Variants in ARHGEF26 observed in about 807,000 individuals in gnomAD.
ARHGEF26 encodes the protein Rho guanine nucleotide exchange factor 26.
In ARHGEF26, 59 loss-of-function variants were observed where a neutral mutation model predicts 89.4. The observed-to-expected ratio is 0.66, with a 90% CI of 0.54 to 0.82. The LOEUF (loss-of-function observed/expected upper bound fraction) is 0.82, where lower values mean the gene tolerates loss of function less well. ARHGEF26 is among the 40% of genes least tolerant of loss of function. The pLI, the probability that ARHGEF26 is intolerant of heterozygous loss-of-function variation, is 0.00. For synonymous variants in ARHGEF26, 500 were observed against 428.4 expected, an observed-to-expected ratio of 1.17 and a Z score of -2.06; for missense variants, 1,234 against 1,085.6, an observed-to-expected ratio of 1.14 and a Z score of -1.92.
intron 6 of ARHGEF26, among the ~76,000 whole-genome samples, chr3:154,166,363 A>G (rs922353484): frequency 6.6e-6 from 1 of 152,122 alleles, no homozygotes; most frequent in African/African-American, 2.4e-5. Context: ...ATTTATTTTT[A>G]ATGTGGGAAA....
chr3:154,163,941 T>TA (rs925837680), intron 6 of ARHGEF26, among the ~76,000 whole-genome samples: 4 of 152,034 alleles, frequency 2.6e-5, no homozygotes, highest in Non-Finnish European at 5.9e-5. Flanking sequence ...TTCCTCAGAT[T>TA]AAAAAAATAC....
intron 12 of ARHGEF26, among the ~76,000 whole-genome samples, chr3:154,250,333 C>A (rs529165474): frequency 6.6e-6 from 1 of 152,078 alleles, no homozygotes; most frequent in South Asian, 2.1e-4. Flanking sequence ...GGCCTCTTGG[C>A]AGACTCTTGA....
rs773079785 is a variant in ARHGEF26 at position 154,129,626 on chromosome 3, T to C, written c.1176T>C (p.Ser392=). ...AGGAAAAGGCCCTTGACATTGATTCTGATGAAGAGTCAGAGCCCAAAGAAC... is the reference window on the plus strand; with the variant it reads ...AGGAAAAGGCCCTTGACATTGATTCCGATGAAGAGTCAGAGCCCAAAGAAC... The part of the protein sequence containing the change: ...NYKEKALDID[S]DEESEPKEQK... The change falls in exon 4 of 15, where the codon TCT becomes TCC. Residue 392 remains serine, a synonymous_variant. Transcript: ENST00000465093. 6.2e-7 allele frequency: 1 copy of C among 1,611,772 alleles called. No homozygotes were observed. Among genetic ancestry groups the C allele is most frequent in the Non-Finnish European group, 8.5e-7 (1 of 1,178,898 alleles).
intron 5 of ARHGEF26, among the ~76,000 whole-genome samples, chr3:154,151,836 A>G (rs1449525632): frequency 1.3e-5 from 2 of 152,142 alleles, no homozygotes; most frequent in Admixed American, 6.5e-5. Context: ...TCTTTGGGGC[A>G]AGGACTTGAA....
Position 154,122,288 on chromosome 3 carries a change from C to T in ARHGEF26, c.296C>T (p.Pro99Leu), listed in dbSNP as rs1190902053. Residue 99 changes from proline to leucine, a missense_variant, in exon 2 of 15, where the codon CCG (proline) becomes CTG (leucine). Coordinates refer to ENST00000465093, the MANE Select transcript of ARHGEF26 (RefSeq NM_015595.4). ...GTGGCCAATGGTGGGACGGCATCCC[C>T]GGAGTACAGGGCTGCCTCTCCTCGA... ...RAVANGGTAS[P>L]EYRAASPRLR... 8 of 1,612,618 alleles carry T rather than the reference C, an allele frequency of 5.0e-6. No homozygotes were observed. The highest frequency in any genetic ancestry group is 3.3e-4 in the Middle Eastern group (2 of 6,060).
intron 4 of ARHGEF26, among the ~76,000 whole-genome samples, chr3:154,142,136 T>C (rs1338679231): frequency 6.6e-6 from 1 of 152,082 alleles, no homozygotes; most frequent in Admixed American, 6.5e-5. Context: ...CTATAGGATG[T>C]AACTTAAACT....
At chr3:154,163,743 A>T (rs1022695408) in intron 6 of ARHGEF26, among the ~76,000 whole-genome samples, 13 of 152,158 alleles carry the variant, frequency 8.5e-5, no homozygotes, top group African/African-American at 3.1e-4. Context: ...TTATTTTCTC[A>T]TGGACATTGT....
intron 4 of ARHGEF26, among the ~76,000 whole-genome samples, chr3:154,133,972 T>C (rs994628719): frequency 6.6e-6 from 1 of 152,162 alleles, no homozygotes; most frequent in Non-Finnish European, 1.5e-5. Flanking sequence ...TGGCAGTTTG[T>C]TCCTGATCTG....
intron 6 of ARHGEF26, among the ~76,000 whole-genome samples, chr3:154,185,361 C>G (rs1559884429): frequency 6.6e-6 from 1 of 152,110 alleles, no homozygotes; most frequent in African/African-American, 2.4e-5. Flanking sequence ...GTTACCCACA[C>G]TTCTCTTCTA....
At chr3:154,212,554 C>T (rs935446060) in intron 9 of ARHGEF26, among the ~76,000 whole-genome samples, 1 of 151,078 alleles carries the variant, frequency 6.6e-6, no homozygotes, top group Non-Finnish European at 1.5e-5. Context: ...CTTTTTGGCA[C>T]CCCAGACTAG....
chr3:154,165,671 T>C (rs1711973099), intron 6 of ARHGEF26, among the ~76,000 whole-genome samples: 1 of 152,188 alleles, frequency 6.6e-6, no homozygotes, highest in Non-Finnish European at 1.5e-5. Context: ...AATGTTAATC[T>C]CATCCTTAGA....
intron 8 of ARHGEF26, among the ~76,000 whole-genome samples, chr3:154,192,928 C>A (rs1177592195): frequency 6.6e-6 from 1 of 151,952 alleles, no homozygotes; most frequent in South Asian, 2.1e-4. Context: ...CTTTTATATC[C>A]TCTTTAAATT....
chr3:154,244,592 T>C (rs1295349852), intron 12 of ARHGEF26, among the ~76,000 whole-genome samples: 5 of 152,134 alleles, frequency 3.3e-5, no homozygotes, highest in Admixed American at 2.6e-4. Flanking sequence ...ATGATACTCT[T>C]TTTGACTCTC....
intron 6 of ARHGEF26, among the ~76,000 whole-genome samples, chr3:154,157,975 G>T (rs1711500442): frequency 1.3e-5 from 2 of 152,146 alleles, no homozygotes. Flanking sequence ...TGTAGCAGTG[G>T]TTTGTAAGCA....
chr3:154,186,136 GAC>G lies in ARHGEF26; in HGVS notation c.1488-1520_1488-1519del, dbSNP rs60675240. Among the ~76,000 whole-genome samples the G allele has an allele frequency of 7.0e-3, 1,027 of 147,020 alleles. 7 individuals are homozygous for G. Among genetic ancestry groups the G allele is most frequent in the African/African-American group, 0.024 (960 of 39,818 alleles). ...GCTACCGTTTCTCTACACACACTTA[GAC>G]ACACACACACACACACACACACACA... On this transcript the variant is annotated intron_variant, in intron 6 of 14. Coordinates refer to ENST00000465093, the MANE Select transcript of ARHGEF26 (RefSeq NM_015595.4).
At chr3:154,244,517 A>G (rs1200783822) in intron 12 of ARHGEF26, among the ~76,000 whole-genome samples, 2 of 152,174 alleles carry the variant, frequency 1.3e-5, no homozygotes, top group Admixed American at 1.3e-4. Context: ...GGAAGTGATC[A>G]GACATCTTGG....
chr3:154,172,464 G>A (rs539289621), intron 6 of ARHGEF26, among the ~76,000 whole-genome samples: 1 of 152,330 alleles, frequency 6.6e-6, no homozygotes, highest in Non-Finnish European at 1.5e-5. Context: ...GGAGGACAAG[G>A]CAGGTGGATT....
At chr3:154,226,094 TAAA>T in intron 11 of ARHGEF26, 84 bp downstream of exon 11, 3 of 1,203,048 alleles carry the variant, frequency 2.5e-6, no homozygotes, top group Non-Finnish European at 3.4e-6. Flanking sequence ...GATCATCCTT[TAAA>T]AGCTAGAAAT....
At chr3:154,186,136 G>GACCACAC (rs1713513091) in intron 6 of ARHGEF26, among the ~76,000 whole-genome samples, 1 of 146,930 alleles carries the variant, frequency 6.8e-6, no homozygotes, top group South Asian at 2.2e-4. Context: ...CACACACTTA[G>GACCACAC]ACACACACAC....
Sources: allele counts gnomAD v4.1 joint callset (sites outside exome capture counted in the v4.1 genomes callset), GRCh38; gene constraint gnomAD v4.1.1; transcripts MANE v1.5; gene names NCBI Gene and HGNC (gene_info 2026-07-23, HGNC 2026-07-21).